MTOR: variants seen among roughly 807,000 people sequenced by gnomAD.
MTOR encodes serine/threonine-protein kinase mTOR.
A neutral mutation model predicts 319.8 loss-of-function variants in MTOR; 70 were observed. The observed-to-expected ratio is 0.22, with a 90% confidence interval of 0.18 to 0.27. The LOEUF is 0.27. Ranked by LOEUF, MTOR falls within the 10% of genes least tolerant of loss-of-function variation. MTOR has a pLI of 1.00. For synonymous variants in MTOR, 1,183 were observed against 1,211.4 expected (o/e 0.98, Z 0.49); for missense variants, 1,890 against 3,274.4 (o/e 0.58, Z 10.32).
rs572233213 is a variant in MTOR, at chr1:11,113,803, C to A, written c.7300+515G>T. 5.3e-5 allele frequency among the ~76,000 whole-genome samples: 8 copies of A among 152,062 alleles called. No individual in the cohort carries two copies. The East Asian group carries it at 1.6e-3, about 30-fold the overall frequency. On this transcript the variant is annotated intron_variant, in intron 53 of 57. Transcript: ENST00000361445. ...TAATATGGTTTGGCTGTGTCCCCAC[C>A]CAAAATCTCATCTTGAACTGCAATT...
intron 34 of MTOR, among the ~76,000 whole-genome samples, chr1:11,142,225 T>C (rs1643746369): frequency 6.6e-6 from 1 of 151,028 alleles, no homozygotes; most frequent in Non-Finnish European, 1.5e-5. Flanking sequence ...AGTTAAAATG[T>C]ATCAGAAGGC....
At chr1:11,193,729 C>G in intron 28 of MTOR, 1 of 1,614,164 alleles carries the variant, frequency 6.2e-7, no homozygotes, top group Non-Finnish European at 8.5e-7. Flanking sequence ...ACGAACACAT[C>G]CACCGGCTCT....
intron 28 of MTOR, among the ~76,000 whole-genome samples, chr1:11,188,474 TC>T (rs1315951915): frequency 1.3e-5 from 2 of 152,138 alleles, no homozygotes; most frequent in African/African-American, 4.8e-5. Context: ...TGACAGGGAT[TC>T]TTTTCTCTAT....
At chr1:11,223,329 GTA>G (rs1491464872) in intron 19 of MTOR, among the ~76,000 whole-genome samples, 81,782 of 151,424 alleles carry the variant, frequency 0.54, 26,599 homozygotes, top group East Asian at 0.78. Flanking sequence ...AGAAGGGTTG[GTA>G]TTAAATAATA....
chr1:11,199,476 GCTT>G lies in MTOR; in HGVS notation c.4107+62_4107+64del, dbSNP rs1645892724. The G allele has an allele frequency of 1.2e-6, 2 of 1,613,290 alleles. No individual in the cohort carries two copies. The highest frequency in any genetic ancestry group is 8.5e-7 in the Non-Finnish European group (1 of 1,179,246). The stretch of plus-strand genomic sequence containing the variant: ...ACAAACAAGAGAAGGCTGTGTGGAT[GCTT>G]CTCTCCTCCCACCAGCTGGTTCCCT... On this transcript the variant is annotated intron_variant, in intron 27 of 57. Coordinates refer to ENST00000361445, the MANE Select transcript of MTOR (RefSeq NM_004958.4). This position sits in a 1 kb window ranked among gnomAD's most constrained non-coding sequence, Gnocchi z 4.5.
At chr1:11,170,827 C>T (rs867949930) in intron 28 of MTOR, among the ~76,000 whole-genome samples, 8 of 150,014 alleles carry the variant, frequency 5.3e-5, no homozygotes, top group South Asian at 2.2e-4. Context: ...GCTGGGATTA[C>T]AGGCGCACAC....
intron 57 of MTOR, among the ~76,000 whole-genome samples, chr1:11,107,708 G>A (rs755341449): frequency 2.6e-5 from 4 of 151,948 alleles, no homozygotes; most frequent in Non-Finnish European, 5.9e-5. Flanking sequence ...CCCAGCGCCC[G>A]CTCTCTCAAG....
At chr1:11,232,603 G>T in intron 15 of MTOR, 75 bp from the exon 16 acceptor site, 1 of 1,279,572 alleles carries the variant, frequency 7.8e-7, no homozygotes, top group East Asian at 2.4e-5. Context: ...GGCCGGGCAC[G>T]GTGGCTCATG....
At chr1:11,144,617 TG>T in intron 34 of MTOR, 30 bp downstream of exon 34, 1 of 1,602,154 alleles carries the variant, frequency 6.2e-7, no homozygotes. Flanking sequence ...TAGGGGTAGG[TG>T]GGTGAACTGG....
intron 11 of MTOR, 112 bp from the exon 12 acceptor site, chr1:11,238,729 T>A: frequency 1.1e-6 from 1 of 872,478 alleles, no homozygotes; most frequent in Non-Finnish European, 1.8e-6. Flanking sequence ...TACTTTCAAC[T>A]AGATATTGAT....
intron 5 of MTOR, among the ~76,000 whole-genome samples, chr1:11,254,725 G>A (rs1206961420): frequency 6.6e-6 from 1 of 151,712 alleles, no homozygotes. Context: ...CTGATTTTGA[G>A]ACACCTATTT....
intron 37 of MTOR, 67 bp downstream of exon 37, chr1:11,134,284 T>G (rs1419946721): frequency 6.8e-7 from 1 of 1,462,242 alleles, no homozygotes; most frequent in African/African-American, 1.4e-5. Context: ...GAACTCCTCC[T>G]TGCTGCAGAA....
At position 11,164,465 on chromosome 1, in the gene MTOR, A is replaced by G. The variant is rs1225512582; in HGVS notation, c.4329+2977T>C. ...ACTACCATCAGAGAATACTATAAAC[A>G]CCTCAACACAAATAAACTAGAAAAT... On this transcript the variant is annotated intron_variant, in intron 29 of 57. Coordinates refer to ENST00000361445, the MANE Select transcript of MTOR (RefSeq NM_004958.4). Among the ~76,000 whole-genome samples the G allele has an allele frequency of 5.3e-5, 8 of 152,112 alleles. No individual in the cohort carries two copies. In the East Asian group the frequency reaches 1.5e-3, roughly 29 times the overall value.
Position 11,114,885 on chromosome 1 carries a change from A to T in MTOR, c.7092T>A (p.Val2364=). The T allele has an allele frequency of 1.9e-6, 3 of 1,613,848 alleles. No individual in the cohort carries two copies. Among genetic ancestry groups the T allele is most frequent in the Non-Finnish European group, 1.7e-6 (2 of 1,179,766 alleles). Residue 2364 remains valine (V), a splice_region_variant and synonymous_variant, in exon 52 of 58, where the codon GTT becomes GTA. Coordinates refer to ENST00000361445, the MANE Select transcript of MTOR (RefSeq NM_004958.4). ...CTGGAAACTTCTCTCGGGTCATAGC[A>T]ACCTACAGAATAATAAATGGGAAAA... ...LHIDFGDCFE[V]AMTREKFPEK...
chr1:11,194,784 T>A (rs1436119448), intron 28 of MTOR: 5 of 1,600,666 alleles, frequency 3.1e-6, no homozygotes, highest in Non-Finnish European at 4.3e-6. Context: ...TGACCCTGGC[T>A]CTAACTCCTT....
At chr1:11,152,664 A>G (rs1422797279) in intron 30 of MTOR, among the ~76,000 whole-genome samples, 1 of 152,210 alleles carries the variant, frequency 6.6e-6, no homozygotes, top group Non-Finnish European at 1.5e-5. Context: ...CTGGAGGCAG[A>G]TAAGAATGGG....
intron 28 of MTOR, among the ~76,000 whole-genome samples, chr1:11,193,162 C>A (rs575924502): frequency 6.6e-6 from 1 of 151,990 alleles, no homozygotes; most frequent in South Asian, 2.1e-4. Flanking sequence ...ACTAAAAATA[C>A]AAAAATTAGC....
intron 34 of MTOR, among the ~76,000 whole-genome samples, chr1:11,141,987 C>T (rs778358144): frequency 2.7e-5 from 4 of 150,372 alleles, no homozygotes; most frequent in East Asian, 3.9e-4. Context: ...GGGGACTCAG[C>T]GAGACTCCGT....
chr1:11,109,626 G>T lies in MTOR; in HGVS notation c.7447+23C>A. 1.2e-6 allele frequency: 2 copies of T among 1,605,888 alleles called. No individual in the cohort carries two copies. The highest frequency in any genetic ancestry group is 1.7e-6 in the Non-Finnish European group (2 of 1,172,574). On this transcript the variant is annotated intron_variant, in intron 55 of 57. Transcript: ENST00000361445. This position sits in a 1 kb window ranked among gnomAD's most constrained non-coding sequence, Gnocchi z 4.0. Reference sequence around the variant, plus strand: ...TTCTTAATGAGCTAGTCACTGGTGCGGTTCCTCAGAGGCTGAACTTACTGA... The same window carrying T: ...TTCTTAATGAGCTAGTCACTGGTGCTGTTCCTCAGAGGCTGAACTTACTGA...
Sources: allele counts gnomAD v4.1 joint callset (sites outside exome capture counted in the v4.1 genomes callset), GRCh38; gene constraint gnomAD v4.1.1; non-coding constraint Gnocchi (gnomAD v3.1); transcripts MANE v1.5; gene names NCBI Gene and HGNC (gene_info 2026-07-23, HGNC 2026-07-21).